The following PCDHA7 variants were observed in gnomAD, a reference collection of about 807,000 sequenced individuals.
PCDHA7 encodes protocadherin alpha 7.
PCDHA7 carries 37 observed loss-of-function variants against 57.2 expected under a neutral mutation model. The ratio of observed to expected loss-of-function variants is 0.65; its 90% CI spans 0.50 to 0.85. The LOEUF is 0.85. PCDHA7 is among the 40% of genes least tolerant of loss of function. PCDHA7 has a pLI of 0.00. For synonymous variants in PCDHA7, 553 were observed against 558.8 expected, an observed-to-expected ratio of 0.99 and a Z score of 0.15; for missense variants, 1,188 against 1,241.8, an observed-to-expected ratio of 0.96 and a Z score of 0.65.
At chr5:140,917,340 T>TGGGGG (rs2078149834) in intron 1 of PCDHA7, among the ~76,000 whole-genome samples, 2 of 133,058 alleles carry the variant, frequency 1.5e-5, no homozygotes, top group African/African-American at 2.7e-5. Flanking sequence ...AGGGGGGGGA[T>TGGGGG]GGTGTAGGCT....
At chr5:140,871,612 G>T in intron 1 of PCDHA7, 1 of 1,427,256 alleles carries the variant, frequency 7.0e-7, no homozygotes, top group East Asian at 2.5e-5. Flanking sequence ...TTTGAATATT[G>T]TTTTAGATAA....
intron 1 of PCDHA7, among the ~76,000 whole-genome samples, chr5:140,956,062 T>G (rs2153708941): frequency 6.6e-6 from 1 of 152,228 alleles, no homozygotes; most frequent in South Asian, 2.1e-4. Flanking sequence ...GACAATGGGG[T>G]TTTCCAGATA....
intron 1 of PCDHA7, among the ~76,000 whole-genome samples, chr5:140,914,730 C>T (rs2076816445): frequency 6.6e-6 from 1 of 151,438 alleles, no homozygotes; most frequent in Non-Finnish European, 1.5e-5. Context: ...TTTTGTGTAT[C>T]CATTGTATGT....
At chr5:140,980,113 C>T (rs2096877031) in intron 2 of PCDHA7, among the ~76,000 whole-genome samples, 1 of 152,096 alleles carries the variant, frequency 6.6e-6, no homozygotes, top group African/African-American at 2.4e-5. Context: ...ACATTGGAAC[C>T]TGGGTCATAA....
chr5:140,877,144 G>C, intron 1 of PCDHA7: 2 of 1,613,772 alleles, frequency 1.2e-6, no homozygotes, highest in South Asian at 1.1e-5. Context: ...CGTGCTGGAC[G>C]AGAACGACAA....
intron 1 of PCDHA7, among the ~76,000 whole-genome samples, chr5:140,965,125 C>A (rs571083058): frequency 6.6e-6 from 1 of 152,308 alleles, no homozygotes; most frequent in Non-Finnish European, 1.5e-5. Context: ...GGAAGATCTA[C>A]AGATGACAGA....
In PCDHA7 at chr5:140,855,001, ATAT is replaced by A. The variant is rs1304130287; in HGVS notation, c.2355+18267_2355+18269del. On this transcript the variant is annotated intron_variant, in intron 1 of 3. Transcript: ENST00000525929. Reference sequence around the variant, plus strand: ...TTAAGATTCTTTTTGCCCGTGTAAGATATTATAAAATGAAACTTCTTGTATAAA... The same window carrying A: ...TTAAGATTCTTTTTGCCCGTGTAAGATATAAAATGAAACTTCTTGTATAAA... Among the ~76,000 whole-genome samples the A allele has an allele frequency of 2.0e-5, 3 of 149,948 alleles. 1 individual carries two copies. The highest frequency in any genetic ancestry group is 4.5e-5 in the Non-Finnish European group (3 of 67,104).
rs2150217585 is a variant in PCDHA7 at position 140,834,426 on chromosome 5, C to A, written c.43C>A (p.Leu15Met). 9 of 1,613,556 alleles carry A rather than the reference C, an allele frequency of 5.6e-6. No homozygotes were observed. Among genetic ancestry groups the A allele is most frequent in the Non-Finnish European group, 7.6e-6 (9 of 1,179,676 alleles). Reference sequence around the variant, plus strand: ...ATACGACCCAGGGGGCCGACATCTACTGCTGTTTATTATAATTCTAGCAGC... The same window carrying A: ...ATACGACCCAGGGGGCCGACATCTAATGCTGTTTATTATAATTCTAGCAGC... ...NGYDPGGRHL[L>M]LFIIILAAWE... Residue 15 changes from leucine to methionine, a missense_variant, in exon 1 of 4, where the codon CTG (leucine) becomes ATG (methionine). Leu to Met is a conservative substitution (Grantham distance 15, BLOSUM62 2). Transcript: ENST00000525929.
At chr5:140,877,710 G>T in intron 1 of PCDHA7, 1 of 1,614,098 alleles carries the variant, frequency 6.2e-7, no homozygotes, top group Non-Finnish European at 8.5e-7. Context: ...GCGCCGTGGG[G>T]AGTTGGTCTT....
rs2150363353 is a variant in PCDHA7 at position 140,843,609 on chromosome 5, G to A, written c.2355+6871G>A. The A allele has an allele frequency of 1.3e-6, 2 of 1,596,016 alleles. No homozygotes were observed. Among genetic ancestry groups the A allele is most frequent in the Non-Finnish European group, 1.7e-6 (2 of 1,165,520 alleles). ...CCGCAGAGGGTGTGCTCTGGTGAGGGGCCACCGAAGACGGACCTCATGGCC... is the reference window on the plus strand; with the variant it reads ...CCGCAGAGGGTGTGCTCTGGTGAGGAGCCACCGAAGACGGACCTCATGGCC... On this transcript the variant is annotated intron_variant, in intron 1 of 3. Transcript: ENST00000525929.
chr5:140,856,103 C>G (rs1554148182), intron 1 of PCDHA7: 1 of 1,597,894 alleles, frequency 6.3e-7, no homozygotes, highest in South Asian at 1.1e-5. Context: ...CTCGCTTCTT[C>G]TCCTCGCAGC....
Position 141,009,628 on chromosome 5 carries a change from A to G in PCDHA7, c.2505A>G (p.Glu835=), listed in dbSNP as rs1441195912. The G allele has an allele frequency of 1.2e-6, 2 of 1,613,000 alleles. No individual in the cohort carries two copies. The highest frequency in any genetic ancestry group is 2.2e-5 in the East Asian group (1 of 44,852). Residue 835 remains glutamate, a splice_region_variant and synonymous_variant, in exon 4 of 4, where the codon GAA becomes GAG. Coordinates refer to ENST00000525929, the MANE Select transcript of PCDHA7 (RefSeq NM_018910.3). ...GATTTGTAATGTTTTGTCTTTCAGA[A>G]CCAGAGGCAGGAGAAGTGTCCCCTC... is the stretch of plus-strand genomic sequence containing the variant. ...QWPTVSSATP[E]PEAGEVSPPV...
At chr5:140,869,760 A>G in intron 1 of PCDHA7, 1 of 1,613,206 alleles carries the variant, frequency 6.2e-7, no homozygotes, top group Non-Finnish European at 8.5e-7. Flanking sequence ...ACGGGGGAAA[A>G]CCAGAGCTTA....
chr5:140,908,844 C>G (rs533219921), intron 1 of PCDHA7, among the ~76,000 whole-genome samples: 1 of 152,156 alleles, frequency 6.6e-6, no homozygotes, highest in Non-Finnish European at 1.5e-5. Flanking sequence ...GCTGGAGTAA[C>G]ATACCCAAAT....
chr5:140,883,722 A>G (rs1249317360), intron 1 of PCDHA7: 1 of 1,613,546 alleles, frequency 6.2e-7, no homozygotes, highest in Non-Finnish European at 8.5e-7. Context: ...GCGGACGCAC[A>G]GGAGAACGCG....
Position 140,881,379 on chromosome 5 carries a change from C to T in PCDHA7, c.2355+44641C>T, listed in dbSNP as rs1235654163. ...TGGCTTTCGTATGAATTGCAGCCGG[C>T]GGCGGTAAGTTAAATTCTATTAAAT... On this transcript the variant is annotated intron_variant, in intron 1 of 3. Transcript: ENST00000525929. The T allele has an allele frequency of 7.1e-6, 7 of 984,332 alleles. No individual in the cohort carries two copies. In the African/African-American group the frequency reaches 1.0e-4, roughly 15 times the overall value. 61.0% of individuals were successfully genotyped at this position (984,332 alleles called of 1,614,324 possible).
intron 1 of PCDHA7, chr5:140,876,746 T>C (rs1411489174): frequency 3.7e-6 from 6 of 1,614,098 alleles, no homozygotes; most frequent in Admixed American, 3.3e-5. Flanking sequence ...GAGCTGGTGG[T>C]GACTGCGCGG....
At chr5:140,891,223 C>T (rs903810382) in intron 1 of PCDHA7, among the ~76,000 whole-genome samples, 19 of 152,110 alleles carry the variant, frequency 1.2e-4, no homozygotes, top group Non-Finnish European at 2.2e-4. Flanking sequence ...TCTTTATAAT[C>T]ATCCTGTTCT....
rs114742019 is a variant in PCDHA7, at chr5:140,911,730, G to A, written c.2356-67219G>A. Among the ~76,000 whole-genome samples the A allele has an allele frequency of 8.1e-3, 1,236 of 152,190 alleles. 6 individuals carry two copies. The highest frequency in any genetic ancestry group is 0.019 in the African/African-American group (801 of 41,524). ...TTTTGTGTAACTCTGTAAACAGTTC[G>A]TGCCAAGGACTATCAGTGTTCTCCA... is the stretch of plus-strand genomic sequence containing the variant. On this transcript the variant is annotated intron_variant, in intron 1 of 3. Coordinates refer to ENST00000525929, the MANE Select transcript of PCDHA7 (RefSeq NM_018910.3).
Sources: gnomAD v4.1 joint callset for allele counts (sites outside exome capture counted in the v4.1 genomes callset) on GRCh38, gnomAD v4.1.1 for gene constraint, MANE v1.5 for transcripts, NCBI Gene and HGNC (gene_info 2026-07-23, HGNC 2026-07-21) for gene names.